TRMT44: variants seen among roughly 807,000 people sequenced by gnomAD.
The protein encoded by TRMT44 is tRNA methyltransferase 44 homolog, also known as probable tRNA (uracil-O(2)-)-methyltransferase.
Under a neutral mutation model 77.3 loss-of-function variants are expected in TRMT44, and 78 were observed. The observed-to-expected ratio is 1.01, with a 90% CI of 0.84 to 1.22. The LOEUF (loss-of-function observed/expected upper bound fraction) is 1.22. Among genes scored for constraint, TRMT44 ranks in the 50% most tolerant of loss-of-function variants. The pLI is 0.00. For missense variants in TRMT44, 1,090 were observed against 964.4 expected (o/e 1.13, Z -1.73); for synonymous variants, 391 against 383.3 (o/e 1.02, Z -0.23).
In TRMT44 at chr4:8,488,239, G is replaced by A. The variant is rs372598392; in HGVS notation, n.3892-5027G>A. Among the ~76,000 whole-genome samples, 12 of 152,192 alleles carry A rather than the reference G, an allele frequency of 7.9e-5. 1 individual carries two copies. The highest frequency in any genetic ancestry group is 5.8e-4 in the East Asian group (3 of 5,182). On this transcript the variant is annotated intron_variant and non_coding_transcript_variant, in intron 2 of 2. Coordinates refer to the TRMT44 transcript ENST00000511366. ...ATTGATTTCCTAAGGGAGGTTCCCC[G>A]GTCCGAGTCATGGCACCAAATTTCA...
rs1016565324 is a variant in TRMT44, at chr4:8,490,773, G to A, written n.3892-2493G>A. ...CCCGAGCGGGTTGCCACTGCTGACT[G>A]GAGCAGCCTGCTTTTATTCTCTTAT... On this transcript the variant is annotated intron_variant and non_coding_transcript_variant, in intron 2 of 2. Coordinates refer to the TRMT44 transcript ENST00000511366. Among the ~76,000 whole-genome samples, 16 of 152,188 alleles carry A rather than the reference G, an allele frequency of 1.1e-4. 1 individual carries two copies. The highest frequency in any genetic ancestry group is 6.5e-5 in the Admixed American group (1 of 15,282).
rs2109200617 is a variant in TRMT44 at position 8,476,169 on chromosome 4, C to T, written c.*168C>T. ...ACCGTATTTCATAAACATCACACGCCAGAGAAGCCACAGTTACTCGGAAGC... is the reference window on the plus strand; with the variant it reads ...ACCGTATTTCATAAACATCACACGCTAGAGAAGCCACAGTTACTCGGAAGC... On this transcript the variant is annotated 3_prime_UTR_variant, in exon 11 of 11. Transcript: ENST00000389737. 1 of 657,666 alleles carries T rather than the reference C, an allele frequency of 1.5e-6. No homozygotes were observed. 40.7% of individuals were successfully genotyped at this position (657,666 alleles called of 1,614,324 possible).
chr4:8,475,972 C>T lies in TRMT44; in HGVS notation c.2245C>T (p.Arg749Trp), dbSNP rs549307102. Residue 749 changes from arginine to tryptophan, a missense_variant, in exon 11 of 11, where the codon CGG becomes TGG. Arg to Trp is a moderately radical substitution (Grantham distance 101, BLOSUM62 -3). Transcript: ENST00000389737. ...AHGPAELRPPRTTPRKKIS is the reference protein window; with the variant it reads ...AHGPAELRPPWTTPRKKIS ...TGGGCCTGCGGAGCTGCGGCCACCC[C>T]GGACCACCCCGAGGAAGAAGATTTC... 3.3e-5 allele frequency: 53 copies of T among 1,614,064 alleles called. No individual in the cohort carries two copies. Among genetic ancestry groups the T allele is most frequent in the African/African-American group, 9.3e-5 (7 of 75,060 alleles).
At chr4:8,475,275 G>A (rs1393789307) in intron 10 of TRMT44, among the ~76,000 whole-genome samples, 2 of 152,306 alleles carry the variant, frequency 1.3e-5, no homozygotes, top group South Asian at 4.1e-4. Context: ...ATGTTTTCTC[G>A]TGTTTCGGCT....
chr4:8,440,882 C>A lies in TRMT44; in HGVS notation c.60C>A (p.Phe20Leu), dbSNP rs761804350. 1.3e-6 allele frequency: 2 copies of A among 1,527,736 alleles called. No homozygotes were observed. The highest frequency in any genetic ancestry group is 1.7e-6 in the Non-Finnish European group (2 of 1,144,466). 94.6% of individuals were successfully genotyped at this position (1,527,736 alleles called of 1,614,324 possible). Residue 20 changes from phenylalanine to leucine, a missense_variant, in exon 1 of 11, where the codon TTC (phenylalanine) becomes TTA (leucine). Physicochemically the swap from Phe to Leu is conservative, Grantham distance 22. Transcript: ENST00000389737. ...CAGGCGCGCTTCTCCCACAGGGCTT[C>A]TGGGCTGCGGTCGAAGTGTGGCTGG... ...SYPGALLPQG[F>L]WAAVEVWLER...
the TRMT44 span, among the ~76,000 whole-genome samples, chr4:8,511,177 C>T: frequency 2.0e-5 from 3 of 152,188 alleles, no homozygotes; most frequent in African/African-American, 4.8e-5. Context: ...TGGCAGATGC[C>T]CGGAGTGCCG....
chr4:8,467,848 AT>A, intron 8 of TRMT44, 65 bp from the exon 9 acceptor site: 1 of 1,465,038 alleles, frequency 6.8e-7, no homozygotes, highest in South Asian at 1.3e-5. Flanking sequence ...GGATGAGAGA[AT>A]TCCATGGAGA....
At chr4:8,462,904 A>G (rs1426493807) in intron 6 of TRMT44, among the ~76,000 whole-genome samples, 2 of 152,358 alleles carry the variant, frequency 1.3e-5, no homozygotes, top group East Asian at 3.9e-4. Context: ...TCAAGAATAA[A>G]TAGTCCCAAA....
intron 1 of TRMT44, among the ~76,000 whole-genome samples, chr4:8,445,378 G>T (rs1230339485): frequency 6.6e-6 from 1 of 152,214 alleles, no homozygotes; most frequent in Non-Finnish European, 1.5e-5. Context: ...CACAGTAAAA[G>T]CTGTACTTCT....
downstream of TRMT44, chr4:8,476,757 A>G (rs921011637): frequency 3.3e-5 from 5 of 152,158 alleles, no homozygotes; most frequent in Non-Finnish European, 5.9e-5. Context: ...TTTTATTTTT[A>G]TGAAGTGATA....
the TRMT44 span, among the ~76,000 whole-genome samples, chr4:8,504,215 T>G: frequency 7.9e-5 from 12 of 152,288 alleles, no homozygotes; most frequent in African/African-American, 2.6e-4. The surrounding 1 kb of genome is among the most constrained non-coding windows in gnomAD (Gnocchi z 5.3). Context: ...ATTTCCATGC[T>G]GCTCATGTCC....
downstream of TRMT44, among the ~76,000 whole-genome samples, chr4:8,496,164 G>A (rs895008768): frequency 6.6e-6 from 1 of 152,198 alleles, no homozygotes; most frequent in Non-Finnish European, 1.5e-5. Context: ...AACCTCTAGA[G>A]GGTATTTAAC....
the TRMT44 span, among the ~76,000 whole-genome samples, chr4:8,516,631 A>G: frequency 7.2e-5 from 11 of 152,260 alleles, no homozygotes; most frequent in Admixed American, 6.5e-5. Context: ...AATAAAAAAA[A>G]TTATCTGGGC....
chr4:8,462,083 A>C (rs10516192), intron 6 of TRMT44, among the ~76,000 whole-genome samples: 3,985 of 152,356 alleles, frequency 0.026, 96 homozygotes, highest in African/African-American at 0.066. Context: ...TGAAACAGGA[A>C]TATTGGAATT....
intron 6 of TRMT44, among the ~76,000 whole-genome samples, chr4:8,456,628 A>G (rs1188194874): frequency 1.3e-5 from 2 of 152,124 alleles, no homozygotes; most frequent in Non-Finnish European, 2.9e-5. Context: ...TTCATCTCAT[A>G]TTTAGAATGC....
At chr4:8,480,566 C>T (rs1240122110), downstream of TRMT44, among the ~76,000 whole-genome samples, 1 of 152,226 alleles carries the variant, frequency 6.6e-6, no homozygotes, top group Non-Finnish European at 1.5e-5. Context: ...CTCTAGCCCA[C>T]TTACCCAATT....
chr4:8,481,411 A>G (rs1267055751), downstream of TRMT44, among the ~76,000 whole-genome samples: 2 of 152,238 alleles, frequency 1.3e-5, no homozygotes, highest in African/African-American at 4.8e-5. Flanking sequence ...GTCATGGGCC[A>G]TGGTCACTCA....
chr4:8,471,362 C>T (rs1726983549), intron 10 of TRMT44, among the ~76,000 whole-genome samples, 162 bp downstream of exon 10: 1 of 152,198 alleles, frequency 6.6e-6, no homozygotes, highest in African/African-American at 2.4e-5. Flanking sequence ...GGCATTTGAC[C>T]TCAGGGTGGG....
In TRMT44 at chr4:8,465,476, A is replaced by G. The variant is rs752174247; in HGVS notation, c.1409A>G (p.Glu470Gly). Residue 470 changes from glutamate (E) to glycine (G), a missense_variant, in exon 8 of 11, where the codon GAA becomes GGA. By Grantham distance (98) the Glu-to-Gly change is moderately conservative. Coordinates refer to ENST00000389737, the MANE Select transcript of TRMT44 (RefSeq NM_152544.3). ...RRQSKKTQYR[E>G]YLDFIKEVGF... ...CAGAGTAAGAAGACTCAGTACCGGGAATACCTTGACTTCATTAAAGAAGTG... is the reference window on the plus strand; with the variant it reads ...CAGAGTAAGAAGACTCAGTACCGGGGATACCTTGACTTCATTAAAGAAGTG... The G allele has an allele frequency of 6.2e-7, 1 of 1,614,160 alleles. No individual in the cohort carries two copies. The highest frequency in any genetic ancestry group is 8.5e-7 in the Non-Finnish European group (1 of 1,180,036).
Sources: gnomAD v4.1 joint callset for allele counts (sites outside exome capture counted in the v4.1 genomes callset) on GRCh38, gnomAD v4.1.1 for gene constraint, Gnocchi (gnomAD v3.1) non-coding constraint, MANE v1.5 for transcripts, NCBI Gene and HGNC (gene_info 2026-07-23, HGNC 2026-07-21) for gene names.